The following RAPSN variants were observed in gnomAD, a reference collection of about 807,000 sequenced individuals.
RAPSN encodes the protein 43 kDa receptor-associated protein of the synapse.
In RAPSN, 33 loss-of-function variants were observed where a neutral mutation model predicts 45.7. The ratio of observed to expected loss-of-function variants is 0.72; its 90% confidence interval spans 0.55 to 0.97. The LOEUF is 0.97. Among genes scored for constraint, RAPSN ranks in the 50% least tolerant of loss-of-function variants. The probability of loss-of-function intolerance (pLI) is 0.00; values close to 1 mark genes in which losing one functional copy is unlikely to be tolerated. For missense variants in RAPSN, 519 were observed against 559.4 expected (o/e 0.93, Z 0.73); for synonymous variants, 244 against 233.6 (o/e 1.04, Z -0.40).
rs2076363978 is a variant in RAPSN, at chr11:47,441,619, G to T, written c.904C>A (p.Leu302Met). 6.2e-7 allele frequency: 1 copy of T among 1,606,860 alleles called. No homozygotes were observed. Among genetic ancestry groups the T allele is most frequent in the Non-Finnish European group, 8.5e-7 (1 of 1,179,634 alleles). The part of the protein sequence containing the change: ...VAKCWVARKA[L>M]DKALDAIERA... ...GAAAGGCCCGACCTCACCTTGTCCAGCGCCTTCCTGGCCACCCAGCACTTG... is the reference window on the plus strand; with the variant it reads ...GAAAGGCCCGACCTCACCTTGTCCATCGCCTTCCTGGCCACCCAGCACTTG... Residue 302 changes from leucine to methionine, a missense_variant, in exon 5 of 8, where the codon CTG (leucine) becomes ATG (methionine). Physicochemically the swap from Leu to Met is conservative, Grantham distance 15. Coordinates refer to ENST00000298854, the MANE Select transcript of RAPSN (RefSeq NM_005055.5).
intron 5 of RAPSN, 28 bp from the exon 6 acceptor site, chr11:47,441,240 C>T (rs148099239): frequency 9.9e-6 from 16 of 1,612,204 alleles, no homozygotes; most frequent in African/African-American, 6.7e-5. Context: ...GCCAGGGCTG[C>T]GGGCAGAGCT....
chr11:47,441,026 G>C, intron 6 of RAPSN, 133 bp downstream of exon 6: 1 of 1,086,634 alleles, frequency 9.2e-7, no homozygotes, highest in Non-Finnish European at 1.4e-6. Flanking sequence ...CCAGAGTATG[G>C]GGTTGGCTGC....
chr11:47,448,966 C>T lies in RAPSN; in HGVS notation c.-2G>A. The stretch of plus-strand genomic sequence containing the variant: ...CTGCTTGGTCTGGTCCTGCCCCATC[C>T]TCCCCAAGCCCTGTGTCCCACGTGG... On this transcript the variant is annotated 5_prime_UTR_variant, in exon 1 of 8. Coordinates refer to ENST00000298854, the MANE Select transcript of RAPSN (RefSeq NM_005055.5). 1 of 1,614,250 alleles carries T rather than the reference C, an allele frequency of 6.2e-7. No individual in the cohort carries two copies. Among genetic ancestry groups the T allele is most frequent in the East Asian group, 2.2e-5 (1 of 44,880 alleles).
At chr11:47,446,165 C>G (rs544710112) in intron 2 of RAPSN, among the ~76,000 whole-genome samples, 1 of 151,458 alleles carries the variant, frequency 6.6e-6, no homozygotes, top group African/African-American at 2.4e-5. Context: ...TGGGCTCAAG[C>G]AATCCTTCTG....
intron 2 of RAPSN, among the ~76,000 whole-genome samples, chr11:47,443,959 AGAAAAG>A (rs1565685644): frequency 7.1e-6 from 1 of 141,252 alleles, no homozygotes; most frequent in African/African-American, 2.6e-5. Flanking sequence ...AAAAAAAAAA[AGAAAAG>A]AAAAGAAAAG....
chr11:47,441,842 C>G lies in RAPSN; in HGVS notation c.770G>C (p.Arg257Pro). 1 of 1,588,916 alleles carries G rather than the reference C, an allele frequency of 6.3e-7. No homozygotes were observed. Among genetic ancestry groups the G allele is most frequent in the Non-Finnish European group, 8.5e-7 (1 of 1,173,072 alleles). Residue 257 changes from arginine to proline, a missense_variant, in exon 4 of 8, where the codon CGG becomes CCG. Physicochemically the swap from Arg to Pro is moderately radical, Grantham distance 103. Coordinates refer to ENST00000298854, the MANE Select transcript of RAPSN (RefSeq NM_005055.5). ...CCTCACCTCCAGGTCCCCACGGCTC[C>G]GGTGGATGTCAGCGAAGCAGAGCAG... ...LCLLCFADIHRSRGDLETAFP... is the reference protein window; with the variant it reads ...LCLLCFADIHPSRGDLETAFP...
intron 1 of RAPSN, 107 bp from the exon 2 acceptor site, chr11:47,448,257 C>T: frequency 8.5e-7 from 1 of 1,182,420 alleles, no homozygotes; most frequent in East Asian, 2.5e-5. Flanking sequence ...CACCCCCCAG[C>T]CTCACACCCA....
At chr11:47,438,170 T>C (rs2076328406) in intron 7 of RAPSN, 123 bp from the exon 8 acceptor site, 1 of 1,194,506 alleles carries the variant, frequency 8.4e-7, no homozygotes, top group African/African-American at 1.5e-5. Context: ...TCAGCAGCAG[T>C]GGAAGGGAAG....
At chr11:47,443,543 T>C (rs4752836) in intron 2 of RAPSN, among the ~76,000 whole-genome samples, 94,745 of 151,898 alleles carry the variant, frequency 0.62, 31,009 homozygotes, top group South Asian at 0.78. Context: ...AATGCCAGCC[T>C]CCGATGAGCA....
At chr11:47,441,769 T>C (rs1338011321) in intron 4 of RAPSN, 36 bp from the exon 5 acceptor site, 4 of 1,601,578 alleles carry the variant, frequency 2.5e-6, no homozygotes, top group Admixed American at 3.4e-5. Context: ...TCAGGCTGTA[T>C]CAGGCCTGTG....
chr11:47,443,803 C>T (rs1037205968), intron 2 of RAPSN, among the ~76,000 whole-genome samples: 1 of 151,362 alleles, frequency 6.6e-6, no homozygotes, highest in Non-Finnish European at 1.5e-5. Flanking sequence ...GTGGTGCACG[C>T]CTGTAGTTCC....
chr11:47,437,828 G>A lies in RAPSN; in HGVS notation c.*147C>T, dbSNP rs1342016885. 1.0e-6 allele frequency: 1 copy of A among 957,700 alleles called. No individual in the cohort carries two copies. The highest frequency in any genetic ancestry group is 1.6e-5 in the African/African-American group (1 of 61,710). The allele number at this position is 957,700 out of a possible 1,614,324, so 59.3% of individuals were successfully genotyped here. ...ACAAAGAGGCAGGGAGGGGAGCTGG[G>A]CCCAGGGGAGCAGCCCTGGGCAGGC... On this transcript the variant is annotated 3_prime_UTR_variant, in exon 8 of 8. Transcript: ENST00000298854.
chr11:47,446,867 T>C (rs963985632), intron 2 of RAPSN, among the ~76,000 whole-genome samples: 5 of 152,168 alleles, frequency 3.3e-5, no homozygotes, highest in Non-Finnish European at 5.9e-5. Flanking sequence ...ATGGCACCAC[T>C]GCACTCCAGC....
rs772054419 is a variant in RAPSN, at chr11:47,441,176, C to G, written c.949G>C (p.Glu317Gln). 2 of 1,614,064 alleles carry G rather than the reference C, an allele frequency of 1.2e-6. No individual in the cohort carries two copies. The highest frequency in any genetic ancestry group is 2.2e-5 in the South Asian group (2 of 91,078). The stretch of plus-strand genomic sequence containing the variant: ...AGTCTGACCTTGTTCCCCACCTCCT[C>G]GGCCAGATCCTGGGCTCTCTCGATG... The part of the protein sequence containing the change: ...DAIERAQDLA[E>Q]EVGNKLSQLK... Residue 317 changes from glutamate (E) to glutamine (Q), a missense_variant, in exon 6 of 8, where the codon GAG becomes CAG. Physicochemically the swap from Glu to Gln is conservative, Grantham distance 29. Transcript: ENST00000298854.
intron 7 of RAPSN, 102 bp from the exon 8 acceptor site, chr11:47,438,149 C>CT (rs2076328316): frequency 1.5e-6 from 2 of 1,350,242 alleles, no homozygotes; most frequent in South Asian, 2.5e-5. Flanking sequence ...GGGATGCATC[C>CT]TGGTGGCTGT....
At chr11:47,446,915 CA>C (rs2076410515) in intron 2 of RAPSN, among the ~76,000 whole-genome samples, 1 of 152,052 alleles carries the variant, frequency 6.6e-6, no homozygotes, top group African/African-American at 2.4e-5. Flanking sequence ...CTGCCCCCGC[CA>C]AAAAATACCC....
chr11:47,443,931 C>CAAAAAAAAAAAAAAAAAAAAAAAAAAA (rs1161231934), intron 2 of RAPSN, among the ~76,000 whole-genome samples: 2 of 13,968 alleles, frequency 1.4e-4, no homozygotes, highest in African/African-American at 6.4e-4. Context: ...CTCTGTCTCA[C>CAAAAAAAAAAAAAAAAAAAAAAAAAAA]AAAAAAAAAA....
rs1015491890 is a variant in RAPSN, at chr11:47,438,626, G to T, written c.1166+106C>A. 19 of 1,392,534 alleles carry T rather than the reference G, an allele frequency of 1.4e-5. No individual in the cohort carries two copies. The East Asian group carries it at 4.5e-4, about 33-fold the overall frequency. 86.3% of individuals were successfully genotyped at this position (1,392,534 alleles called of 1,614,324 possible). On this transcript the variant is annotated intron_variant, in intron 7 of 7. Coordinates refer to ENST00000298854, the MANE Select transcript of RAPSN (RefSeq NM_005055.5). ...ACGTGAGGCACCACGCCTGGCCAAG[G>T]TTAAGTGTTTGCTATTAGTATTATT...
In RAPSN at chr11:47,438,000, G is replaced by C; in HGVS notation, c.1214C>G (p.Ser405Ter). 1 of 1,550,536 alleles carries C rather than the reference G, an allele frequency of 6.4e-7. No individual in the cohort carries two copies. The highest frequency in any genetic ancestry group is 8.7e-7 in the Non-Finnish European group (1 of 1,146,976). Reference sequence around the variant, plus strand: ...TCATACAAAGCCAGGCTTCATGGATGAGCGGCGGCAGTTGGGACAGCTCCG... The same window carrying C: ...TCATACAAAGCCAGGCTTCATGGATCAGCGGCGGCAGTTGGGACAGCTCCG... ...GTRSCPNCRR[S>*]SMKPGFV Residue 405 changes from serine to a stop codon, truncating the protein, a stop_gained, in exon 8 of 8, where the codon TCA (serine) becomes TGA (stop). Transcript: ENST00000298854. LOFTEE classifies it high-confidence loss of function.
Sources: gnomAD v4.1 joint callset for allele counts (sites outside exome capture counted in the v4.1 genomes callset) on GRCh38, gnomAD v4.1.1 for gene constraint, MANE v1.5 for transcripts, NCBI Gene and HGNC (gene_info 2026-07-23, HGNC 2026-07-21) for gene names.